Variants in SYNJ2BP observed in about 807,000 individuals in gnomAD.
SYNJ2BP encodes the protein synaptojanin 2 binding protein.
SYNJ2BP carries 10 observed loss-of-function variants against 16.9 expected under a neutral mutation model. The ratio of observed to expected loss-of-function variants is 0.59; its 90% CI spans 0.36 to 1.00. SYNJ2BP has a LOEUF of 1.00. Among genes scored for constraint, SYNJ2BP ranks in the 50% least tolerant of loss-of-function variants. The pLI is 0.01. For missense variants in SYNJ2BP, 162 were observed against 186.7 expected, an observed-to-expected ratio of 0.87 and a Z score of 0.77; for synonymous variants, 54 against 68.4, an observed-to-expected ratio of 0.79 and a Z score of 1.04.
intron 1 of SYNJ2BP, among the ~76,000 whole-genome samples, chr14:70,391,076 G>A (rs1887971490): frequency 6.6e-6 from 1 of 152,164 alleles, no homozygotes; most frequent in African/African-American, 2.4e-5. Flanking sequence ...AGTGAGCCAA[G>A]ATTGTGTCAC....
chr14:70,377,836 G>T (rs752956524), intron 2 of SYNJ2BP, among the ~76,000 whole-genome samples: 3 of 152,108 alleles, frequency 2.0e-5, no homozygotes, highest in Non-Finnish European at 4.4e-5. Context: ...TTCTTGGAAC[G>T]CATTATCACT....
chr14:70,376,763 T>G (rs1463052492), intron 2 of SYNJ2BP, among the ~76,000 whole-genome samples: 2 of 152,238 alleles, frequency 1.3e-5, no homozygotes, highest in Non-Finnish European at 2.9e-5. Flanking sequence ...GGCTAGGATT[T>G]GTAAATAATG....
rs377323527 is a variant in SYNJ2BP, at chr14:70,405,251, A to C, written c.64+11649T>G. On this transcript the variant is annotated intron_variant, in intron 1 of 3. Transcript: ENST00000256366. ...ACTAAAGATTTAAACAGGTTGTAGA[A>C]TGTCTACGGAAAAAAATAAATGAAT... Among the ~76,000 whole-genome samples, 44 of 152,280 alleles carry C rather than the reference A, an allele frequency of 2.9e-4. No homozygotes were observed. In the South Asian group the frequency reaches 8.3e-3, roughly 29 times the overall value.
chr14:70,374,835 G>A (rs1887590039), intron 3 of SYNJ2BP, among the ~76,000 whole-genome samples: 1 of 151,968 alleles, frequency 6.6e-6, no homozygotes, highest in African/African-American at 2.4e-5. Context: ...GTAGACATAT[G>A]GTTCCTTCCC....
At chr14:70,407,385 G>A (rs1204283292) in intron 1 of SYNJ2BP, among the ~76,000 whole-genome samples, 2 of 149,692 alleles carry the variant, frequency 1.3e-5, no homozygotes, top group African/African-American at 4.9e-5. Flanking sequence ...AGCCGAGATT[G>A]TGCCACTGCA....
chr14:70,370,051 A>G lies in SYNJ2BP; in HGVS notation c.*2940T>C, dbSNP rs922460703. The G allele has an allele frequency of 6.6e-6, 1 of 152,234 alleles. No homozygotes were observed. The allele number at this position is 152,234 out of a possible 1,614,324, so 9.4% of individuals were successfully genotyped here. ...AATTAGTGTACCTGCTTAAAACTGT[A>G]TTACATTGATCTTCAATGCTACTTA... On this transcript the variant is annotated 3_prime_UTR_variant, in exon 4 of 4. Transcript: ENST00000256366.
chr14:70,393,629 G>C (rs1330946774), intron 1 of SYNJ2BP, among the ~76,000 whole-genome samples: 1 of 152,108 alleles, frequency 6.6e-6, no homozygotes, highest in East Asian at 1.9e-4. Flanking sequence ...CCATAAAAAA[G>C]AATGAGTTCA....
intron 1 of SYNJ2BP, among the ~76,000 whole-genome samples, chr14:70,411,168 C>T (rs1888464342): frequency 1.3e-5 from 2 of 152,048 alleles, no homozygotes; most frequent in South Asian, 2.1e-4. Flanking sequence ...AGACCTGGAT[C>T]GAAATCTTCA....
At chr14:70,392,860 A>C (rs962780251) in intron 1 of SYNJ2BP, among the ~76,000 whole-genome samples, 3 of 152,224 alleles carry the variant, frequency 2.0e-5, no homozygotes, top group African/African-American at 7.2e-5. Context: ...AAGGCTATTC[A>C]ATACGTATCT....
chr14:70,383,907 T>A (rs74065331), intron 2 of SYNJ2BP, among the ~76,000 whole-genome samples: 10,516 of 151,948 alleles, frequency 0.069, 418 homozygotes, highest in Middle Eastern at 0.12. Context: ...GTTTAAATCA[T>A]CTACAGTGAT....
chr14:70,394,493 G>C (rs568583834), intron 1 of SYNJ2BP, among the ~76,000 whole-genome samples: 12 of 150,108 alleles, frequency 8.0e-5, no homozygotes, highest in South Asian at 2.1e-4. Context: ...TGAATGAAGA[G>C]CTTAGTGAGC....
chr14:70,399,135 C>T (rs534293125), intron 1 of SYNJ2BP, among the ~76,000 whole-genome samples: 38 of 152,260 alleles, frequency 2.5e-4, no homozygotes, highest in Admixed American at 3.9e-4. Flanking sequence ...CCAAAGCAGG[C>T]GCCGCTCCCA....
At chr14:70,404,035 AG>A (rs1211884303) in intron 1 of SYNJ2BP, among the ~76,000 whole-genome samples, 1 of 152,242 alleles carries the variant, frequency 6.6e-6, no homozygotes, top group Non-Finnish European at 1.5e-5. Context: ...ATGTAACGTC[AG>A]GGTTTCTTTC....
chr14:70,412,848 G>T (rs538253703), intron 1 of SYNJ2BP, among the ~76,000 whole-genome samples: 1 of 152,094 alleles, frequency 6.6e-6, no homozygotes, highest in Admixed American at 6.5e-5. Flanking sequence ...TGTACAGTAA[G>T]GTTGTCTTTA....
intron 1 of SYNJ2BP, among the ~76,000 whole-genome samples, chr14:70,401,474 G>T (rs577810141): frequency 8.1e-4 from 122 of 150,848 alleles, no homozygotes; most frequent in African/African-American, 2.7e-3. Context: ...TATCTTTTGT[G>T]GGGGGGAAAG....
chr14:70,398,378 G>A (rs890695515), intron 1 of SYNJ2BP, among the ~76,000 whole-genome samples: 7 of 152,140 alleles, frequency 4.6e-5, no homozygotes, highest in African/African-American at 9.7e-5. Flanking sequence ...CATCCATGGC[G>A]ACCAGCCTGT....
chr14:70,394,230 A>C (rs1371664688), intron 1 of SYNJ2BP, among the ~76,000 whole-genome samples: 1 of 152,090 alleles, frequency 6.6e-6, no homozygotes, highest in Non-Finnish European at 1.5e-5. Context: ...TATTTACAAA[A>C]ATGCATGCAT....
In SYNJ2BP at chr14:70,413,501, T is replaced by C. The variant is rs148166401; in HGVS notation, c.64+3399A>G. ...TAAAAATACAAAAATTACCCGGGCA[T>C]GGTGGCAAATGCCTGTAATCCCAGC... On this transcript the variant is annotated intron_variant, in intron 1 of 3. Coordinates refer to ENST00000256366, the MANE Select transcript of SYNJ2BP (RefSeq NM_018373.3). Among the ~76,000 whole-genome samples the C allele has an allele frequency of 1.3e-3, 201 of 152,162 alleles. 3 individuals carry two copies. The highest frequency in any genetic ancestry group is 4.6e-3 in the African/African-American group (191 of 41,528).
At chr14:70,403,628 C>A (rs913135140) in intron 1 of SYNJ2BP, among the ~76,000 whole-genome samples, 1 of 152,172 alleles carries the variant, frequency 6.6e-6, no homozygotes, top group Non-Finnish European at 1.5e-5. Flanking sequence ...AGGAAATTAC[C>A]CTATATGGTC....
Sources: gnomAD v4.1 joint callset for allele counts (sites outside exome capture counted in the v4.1 genomes callset) on GRCh38, gnomAD v4.1.1 for gene constraint, MANE v1.5 for transcripts, NCBI Gene and HGNC (gene_info 2026-07-23, HGNC 2026-07-21) for gene names.